ARHGEF28: variants seen among roughly 807,000 people sequenced by gnomAD.
The protein encoded by ARHGEF28 is 190 kDa guanine nucleotide exchange factor.
Under a neutral mutation model 206.6 loss-of-function variants are expected in ARHGEF28, and 152 were observed. The ratio of observed to expected loss-of-function variants is 0.74; its 90% CI spans 0.64 to 0.84. ARHGEF28 has a LOEUF of 0.84. Among genes scored for constraint, ARHGEF28 ranks in the 40% least tolerant of loss-of-function variants. The probability of loss-of-function intolerance (pLI) is 0.00; values close to 1 mark genes in which losing one functional copy is unlikely to be tolerated. For synonymous variants in ARHGEF28, 763 were observed against 776.4 expected (o/e 0.98, Z 0.29); for missense variants, 2,028 against 2,073.2 (o/e 0.98, Z 0.42).
intron 34 of ARHGEF28, among the ~76,000 whole-genome samples, chr5:73,910,135 C>T (rs932299808): frequency 7.2e-5 from 11 of 152,010 alleles, no homozygotes; most frequent in Admixed American, 3.3e-4. Flanking sequence ...AATCCCAGAA[C>T]TTTGGGAGGC....
chr5:73,785,320 G>T (rs960882835), intron 7 of ARHGEF28, among the ~76,000 whole-genome samples: 1 of 151,746 alleles, frequency 6.6e-6, no homozygotes, highest in East Asian at 1.9e-4. Flanking sequence ...TCCTTTTTTC[G>T]CAGTTCTCAA....
At chr5:73,849,180 G>T in intron 13 of ARHGEF28, 93 bp downstream of exon 13, 1 of 927,628 alleles carries the variant, frequency 1.1e-6, no homozygotes, top group South Asian at 1.7e-5. Context: ...AAGAACAGCA[G>T]ACAAGAATTT....
intron 22 of ARHGEF28, 34 bp from the exon 23 acceptor site, chr5:73,882,438 T>C (rs778098186): frequency 2.2e-5 from 30 of 1,346,778 alleles, no homozygotes; most frequent in Non-Finnish European, 2.9e-5. Flanking sequence ...ACTTACTAAA[T>C]TTACAAACCA....
chr5:73,632,848 A>C (rs185287518), intron 1 of ARHGEF28, among the ~76,000 whole-genome samples: 1 of 152,266 alleles, frequency 6.6e-6, no homozygotes. Flanking sequence ...GTGTTGTAGA[A>C]GACAGTCTTT....
At chr5:73,792,833 CTA>C (rs1031980055) in intron 7 of ARHGEF28, among the ~76,000 whole-genome samples, 1 of 152,060 alleles carries the variant, frequency 6.6e-6, no homozygotes, top group African/African-American at 2.4e-5. Flanking sequence ...CTAATTTTAA[CTA>C]TGTGTTTTGG....
Position 73,761,997 on chromosome 5 carries a change from A to ATT in ARHGEF28, c.475+8811_475+8812dup, listed in dbSNP as rs36121449. ...AGGTGTGTGCCACCACAACTGGGTA[A>ATT]TTTTTTTTTTTTTTTTTAGAGATGA... is the stretch of plus-strand genomic sequence containing the variant. On this transcript the variant is annotated intron_variant, in intron 4 of 35. Coordinates refer to ENST00000513042, the MANE Select transcript of ARHGEF28 (RefSeq NM_001177693.2). Among the ~76,000 whole-genome samples the ATT allele has an allele frequency of 9.8e-3, 1,353 of 137,974 alleles. 25 individuals are homozygous for ATT. The highest frequency in any genetic ancestry group is 0.032 in the African/African-American group (1,201 of 37,610). The allele number at this position is 137,974 out of a possible 152,430, so 90.5% of individuals were successfully genotyped here.
chr5:73,835,316 A>G (rs904022765), intron 10 of ARHGEF28: 3 of 152,112 alleles, frequency 2.0e-5, no homozygotes, highest in African/African-American at 7.2e-5. Context: ...TAAAAATACA[A>G]AAAATTAGCA....
At chr5:73,685,533 G>T (rs1747406714) in intron 2 of ARHGEF28, among the ~76,000 whole-genome samples, 2 of 152,096 alleles carry the variant, frequency 1.3e-5, no homozygotes, top group South Asian at 2.1e-4. Flanking sequence ...TGTGAGGTGG[G>T]GCCTGGGCAG....
intron 1 of ARHGEF28, among the ~76,000 whole-genome samples, chr5:73,638,062 G>A (rs1743839836): frequency 6.6e-6 from 1 of 152,204 alleles, no homozygotes; most frequent in African/African-American, 2.4e-5. Context: ...TAATTGGAGT[G>A]ATTATCTTTC....
intron 2 of ARHGEF28, among the ~76,000 whole-genome samples, chr5:73,739,449 G>T (rs1394832192): frequency 1.1e-4 from 16 of 151,968 alleles, no homozygotes; most frequent in Non-Finnish European, 2.4e-4. Context: ...TTAATACAGA[G>T]AATAAAAATA....
chr5:73,918,114 G>A (rs891123383), intron 35 of ARHGEF28, among the ~76,000 whole-genome samples: 2 of 152,146 alleles, frequency 1.3e-5, no homozygotes, highest in African/African-American at 4.8e-5. Context: ...TGGAATGTTC[G>A]GCTGAGTACC....
chr5:73,896,808 C>T (rs1481879175), intron 29 of ARHGEF28, among the ~76,000 whole-genome samples: 2 of 152,232 alleles, frequency 1.3e-5, no homozygotes, highest in African/African-American at 4.8e-5. Flanking sequence ...TTCACTAACG[C>T]TGGGTTGTAC....
chr5:73,898,783 G>T (rs1483842245), intron 30 of ARHGEF28: 1 of 152,230 alleles, frequency 6.6e-6, no homozygotes. Flanking sequence ...CCTGTTATAT[G>T]TATAGTTGTA....
intron 1 of ARHGEF28, among the ~76,000 whole-genome samples, chr5:73,630,177 A>G (rs572476562): frequency 2.4e-4 from 37 of 152,240 alleles, no homozygotes; most frequent in Non-Finnish European, 4.7e-4. Context: ...CGTATATTGT[A>G]TATATTAATG....
chr5:73,664,333 T>C (rs1745807996), intron 1 of ARHGEF28, among the ~76,000 whole-genome samples: 1 of 152,216 alleles, frequency 6.6e-6, no homozygotes, highest in Admixed American at 6.5e-5. Flanking sequence ...GATTTTGTCA[T>C]ATACACCCCT....
chr5:73,774,177 A>G, intron 5 of ARHGEF28, 139 bp downstream of exon 5: 1 of 669,516 alleles, frequency 1.5e-6, no homozygotes, highest in Non-Finnish European at 2.3e-6. Flanking sequence ...TATAGATCAT[A>G]TAAACAGATA....
intron 9 of ARHGEF28, among the ~76,000 whole-genome samples, chr5:73,804,536 A>G (rs1755329346): frequency 6.6e-6 from 1 of 152,190 alleles, no homozygotes. Flanking sequence ...ATTTTTTTAA[A>G]TAAATTTATC....
intron 1 of ARHGEF28, among the ~76,000 whole-genome samples, chr5:73,673,415 C>A: frequency 6.6e-6 from 1 of 152,128 alleles, no homozygotes; most frequent in Middle Eastern, 3.2e-3. Context: ...GTAGGGGGAC[C>A]ATTCAGCTCT....
chr5:73,653,948 G>C (rs1427301648), intron 1 of ARHGEF28, among the ~76,000 whole-genome samples: 2 of 152,186 alleles, frequency 1.3e-5, no homozygotes, highest in African/African-American at 4.8e-5. Context: ...GCATAGAAAA[G>C]GTGTATGAAA....
Sources: gnomAD v4.1 joint callset for allele counts (sites outside exome capture counted in the v4.1 genomes callset) on GRCh38, gnomAD v4.1.1 for gene constraint, MANE v1.5 for transcripts, NCBI Gene and HGNC (gene_info 2026-07-23, HGNC 2026-07-21) for gene names.